The following MAP1A variants were observed in gnomAD, a reference collection of about 807,000 sequenced individuals.
MAP1A encodes the protein microtubule-associated protein 1A.
Under a neutral mutation model 185.9 loss-of-function variants are expected in MAP1A, and 42 were observed. The observed-to-expected ratio is 0.23, with a 90% confidence interval of 0.18 to 0.29. The LOEUF is 0.29. MAP1A is among the 10% of genes least tolerant of loss of function. MAP1A has a pLI of 1.00. For synonymous variants in MAP1A, 1,229 were observed against 1,335.9 expected (o/e 0.92, Z 1.74); for missense variants, 2,995 against 3,450.4 (o/e 0.87, Z 3.31).
At position 43,526,923 on chromosome 15, in the gene MAP1A, A is replaced by G; in HGVS notation, c.5450A>G (p.Glu1817Gly). 6.2e-7 allele frequency: 1 copy of G among 1,614,068 alleles called. No individual in the cohort carries two copies. The highest frequency in any genetic ancestry group is 8.5e-7 in the Non-Finnish European group (1 of 1,179,988). The stretch of plus-strand genomic sequence containing the variant: ...AGGGTTCCTTCAGCCCCAGGACAAG[A>G]GAGTCCTATCCCAGACCCTAAGCTC... Reference protein sequence around the residue: ...GQRVPSAPGQESPIPDPKLMP... With the variant: ...GQRVPSAPGQGSPIPDPKLMP... Residue 1817 changes from glutamate (E) to glycine (G), a missense_variant, in exon 4 of 6, where the codon GAG (glutamate) becomes GGG (glycine). This residue lies in a region of MAP1A where 2,728 missense variants were observed against 2,986.0 expected (regional missense o/e 0.91). Transcript: ENST00000300231. This position sits in a 1 kb window ranked among gnomAD's most constrained non-coding sequence, Gnocchi z 4.7.
chr15:43,531,008 T>G lies in MAP1A; in HGVS notation c.*784T>G, dbSNP rs75679502. On this transcript the variant is annotated 3_prime_UTR_variant, in exon 6 of 6. Coordinates refer to ENST00000300231, the MANE Select transcript of MAP1A (RefSeq NM_002373.6). ...TCTTTGAAGTTTTTACTCACCCCAT[T>G]TCAATTATCCTGATCCCTTCTCATC... The G allele has an allele frequency of 1.8e-4, 27 of 152,822 alleles. 1 individual carries two copies. Among genetic ancestry groups the G allele is most frequent in the African/African-American group, 6.5e-4 (27 of 41,566 alleles). The allele number at this position is 152,822 out of a possible 1,614,324, so 9.5% of individuals were successfully genotyped here.
chr15:43,512,076 A>G, intron 1 of MAP1A: 1 of 684,486 alleles, frequency 1.5e-6, no homozygotes, highest in Non-Finnish European at 2.7e-6. Context: ...CATGGCAACT[A>G]TCCATATACC....
rs374086456 is a variant in MAP1A, at chr15:43,526,752, A to C, written c.5279A>C (p.Glu1760Ala). 3 of 1,614,146 alleles carry C rather than the reference A, an allele frequency of 1.9e-6. No homozygotes were observed. The highest frequency in any genetic ancestry group is 2.5e-6 in the Non-Finnish European group (3 of 1,180,022). The change falls in exon 4 of 6, where the codon GAA becomes GCA. Residue 1760 changes from glutamate (E) to alanine (A), a missense_variant. By Grantham distance (107) the Glu-to-Ala change is moderately radical. This residue lies in a region of MAP1A where 2,728 missense variants were observed against 2,986.0 expected (regional missense o/e 0.91). Coordinates refer to ENST00000300231, the MANE Select transcript of MAP1A (RefSeq NM_002373.6). The surrounding 1 kb of genome is among the most constrained non-coding windows in gnomAD (Gnocchi z 4.7). Reference protein sequence around the residue: ...PWASDFKDFQESSPQKGLEVE... With the variant: ...PWASDFKDFQASSPQKGLEVE... ...GCCTCAGACTTCAAGGATTTCCAGG[A>C]ATCCTCACCACAGAAGGGGCTAGAG...
chr15:43,526,137 A>G lies in MAP1A; in HGVS notation c.4664A>G (p.Tyr1555Cys). 1.2e-6 allele frequency: 2 copies of G among 1,614,062 alleles called. No homozygotes were observed. The highest frequency in any genetic ancestry group is 1.7e-6 in the Non-Finnish European group (2 of 1,180,044). Reference sequence around the variant, plus strand: ...AAGGATCAGGCCTTAGAACAAAAATACTGGGCTTTGGGACAGAAGGATGAA... The same window carrying G: ...AAGGATCAGGCCTTAGAACAAAAATGCTGGGCTTTGGGACAGAAGGATGAA... ...EKKDQALEQK[Y>C]WALGQKDEAL... Residue 1555 changes from tyrosine (Y) to cysteine (C), a missense_variant, in exon 4 of 6, where the codon TAC becomes TGC. Around this residue, in one of 3 missense-constraint regions of MAP1A, gnomAD observed 2,728 missense variants for 2,986.0 expected, o/e 0.91. Coordinates refer to ENST00000300231, the MANE Select transcript of MAP1A (RefSeq NM_002373.6). This position sits in a 1 kb window ranked among gnomAD's most constrained non-coding sequence, Gnocchi z 4.7.
At position 43,526,912 on chromosome 15, in the gene MAP1A, C is replaced by T; in HGVS notation, c.5439C>T (p.Ala1813=). The change falls in exon 4 of 6, where the codon GCC becomes GCT. Residue 1813 remains alanine (A), a synonymous_variant. Transcript: ENST00000300231. This position sits in a 1 kb window ranked among gnomAD's most constrained non-coding sequence, Gnocchi z 4.7. ...PEMVGQRVPS[A]PGQESPIPDP... ...TGGTTGGACAAAGGGTTCCTTCAGC[C>T]CCAGGACAAGAGAGTCCTATCCCAG... 2 of 1,614,066 alleles carry T rather than the reference C, an allele frequency of 1.2e-6. No individual in the cohort carries two copies. Among genetic ancestry groups the T allele is most frequent in the Non-Finnish European group, 1.7e-6 (2 of 1,179,996 alleles).
rs767104808 is a variant in MAP1A at position 43,527,809 on chromosome 15, G to C, written c.6336G>C (p.Lys2112Asn). The C allele has an allele frequency of 1.2e-6, 2 of 1,613,820 alleles. No individual in the cohort carries two copies. Among genetic ancestry groups the C allele is most frequent in the South Asian group, 2.2e-5 (2 of 91,050 alleles). ...GCACTAGTGACTCAGAACTGGAGAA[G>C]GGGGCTCGGGAACAGCCAGAAAAAG... ...DDSTSDSELEKGAREQPEKEA... is the reference protein window; with the variant it reads ...DDSTSDSELENGAREQPEKEA... The change falls in exon 4 of 6, where the codon AAG (lysine) becomes AAC (asparagine). Residue 2112 changes from lysine (K) to asparagine (N), a missense_variant. Transcript: ENST00000300231.
At position 43,512,096 on chromosome 15, in the gene MAP1A, C is replaced by T. The variant is rs1441425689; in HGVS notation, c.239-94C>T. The T allele has an allele frequency of 4.1e-6, 3 of 739,638 alleles. No individual in the cohort carries two copies. The South Asian group carries it at 4.6e-5, about 11-fold the overall frequency. 45.8% of individuals were successfully genotyped at this position (739,638 alleles called of 1,614,324 possible). On this transcript the variant is annotated intron_variant, in intron 1 of 6. Coordinates refer to the MAP1A transcript ENST00000382031. ...CAACTATCCATATACCCTCCCTCTC[C>T]TTACCTGTTCTGTGAACTTGAAAGT...
Position 43,529,126 on chromosome 15 carries a change from T to C in MAP1A, c.7653T>C (p.Thr2551=), listed in dbSNP as rs773714540. 1 of 1,613,418 alleles carries C rather than the reference T, an allele frequency of 6.2e-7. No individual in the cohort carries two copies. Among genetic ancestry groups the C allele is most frequent in the South Asian group, 1.1e-5 (1 of 91,070 alleles). The part of the protein sequence containing the change: ...PVDKAGGVSG[T]HHPRPGHDPP... ...ACAAAGCTGGGGGTGTCAGTGGTAC[T>C]CACCACCCCAGGCCTGGCCATGACC... is the stretch of plus-strand genomic sequence containing the variant. The change falls in exon 4 of 6, where the codon ACT becomes ACC. Residue 2551 remains threonine (T), a synonymous_variant. Coordinates refer to ENST00000300231, the MANE Select transcript of MAP1A (RefSeq NM_002373.6). The surrounding 1 kb of genome is among the most constrained non-coding windows in gnomAD (Gnocchi z 4.3).
Position 43,527,968 on chromosome 15 carries a change from T to C in MAP1A, c.6495T>C (p.Ala2165=). ...GPARPSLDFP[A]SAFGFSSLQP... ...CCCGACCCAGTCTGGACTTCCCTGCTTCAGCCTTTGGCTTCTCCTCATTGC... is the reference window on the plus strand; with the variant it reads ...CCCGACCCAGTCTGGACTTCCCTGCCTCAGCCTTTGGCTTCTCCTCATTGC... Residue 2165 remains alanine (A), a synonymous_variant, in exon 4 of 6, where the codon GCT becomes GCC. Coordinates refer to ENST00000300231, the MANE Select transcript of MAP1A (RefSeq NM_002373.6). The C allele has an allele frequency of 6.2e-7, 1 of 1,614,096 alleles. No homozygotes were observed. The highest frequency in any genetic ancestry group is 8.5e-7 in the Non-Finnish European group (1 of 1,180,014).
chr15:43,526,589 G>A lies in MAP1A; in HGVS notation c.5116G>A (p.Val1706Ile). 1.2e-6 allele frequency: 2 copies of A among 1,614,180 alleles called. No individual in the cohort carries two copies. Among genetic ancestry groups the A allele is most frequent in the Non-Finnish European group, 1.7e-6 (2 of 1,180,028 alleles). Reference sequence around the variant, plus strand: ...GAGGGAGCTAAGCTGTGAGCGGAAGGTCTGGTTCCCTCACGAGCTGGATGG... The same window carrying A: ...GAGGGAGCTAAGCTGTGAGCGGAAGATCTGGTTCCCTCACGAGCTGGATGG... ...YWRELSCERK[V>I]WFPHELDGQG... Residue 1706 changes from valine to isoleucine, a missense_variant, in exon 4 of 6, where the codon GTC becomes ATC. Around this residue, in one of 3 missense-constraint regions of MAP1A, gnomAD observed 2,728 missense variants for 2,986.0 expected, o/e 0.91. Transcript: ENST00000300231. The surrounding 1 kb of genome is among the most constrained non-coding windows in gnomAD (Gnocchi z 4.7).
chr15:43,518,639 C>G (rs918105771), intron 1 of MAP1A, among the ~76,000 whole-genome samples: 2 of 151,972 alleles, frequency 1.3e-5, no homozygotes, highest in East Asian at 1.9e-4. Flanking sequence ...CCCAAACGGT[C>G]CCCCTCCCCT....
chr15:43,520,548 C>A, intron 1 of MAP1A, 93 bp from the exon 2 acceptor site: 1 of 854,118 alleles, frequency 1.2e-6, no homozygotes. Context: ...TCTCTTTCGT[C>A]TAAGCCCCAT....
rs776351771 is a variant in MAP1A, at chr15:43,527,033, C to A, written c.5560C>A (p.Pro1854Thr). The change falls in exon 4 of 6, where the codon CCT (proline) becomes ACT (threonine). Residue 1854 changes from proline (P) to threonine (T), a missense_variant. This residue lies in a region of MAP1A where 2,728 missense variants were observed against 2,986.0 expected (regional missense o/e 0.91). Transcript: ENST00000300231. ...GGTGCCCAAGGACAGACCCCTCCCC[C>A]CTGCACCCCTCTCCCCAGCTCCTGG... ...PWVPKDRPLP[P>T]APLSPAPGPP... 5.0e-6 allele frequency: 8 copies of A among 1,599,538 alleles called. No homozygotes were observed. The highest frequency in any genetic ancestry group is 2.7e-5 in the African/African-American group (2 of 74,782).
chr15:43,526,113 A>G lies in MAP1A; in HGVS notation c.4640A>G (p.Lys1547Arg), dbSNP rs763083011. Reference sequence around the variant, plus strand: ...CAAAAGGATAAAGTCTCAGAAAAGAAGGATCAGGCCTTAGAACAAAAATAC... The same window carrying G: ...CAAAAGGATAAAGTCTCAGAAAAGAGGGATCAGGCCTTAGAACAAAAATAC... ...QEQKDKVSEK[K>R]DQALEQKYWA... The change falls in exon 4 of 6, where the codon AAG becomes AGG. Residue 1547 changes from lysine to arginine, a missense_variant. Around this residue, in one of 3 missense-constraint regions of MAP1A, gnomAD observed 2,728 missense variants for 2,986.0 expected, o/e 0.91. Coordinates refer to ENST00000300231, the MANE Select transcript of MAP1A (RefSeq NM_002373.6). This position sits in a 1 kb window ranked among gnomAD's most constrained non-coding sequence, Gnocchi z 4.7. 6.2e-7 allele frequency: 1 copy of G among 1,614,138 alleles called. No individual in the cohort carries two copies. Among genetic ancestry groups the G allele is most frequent in the South Asian group, 1.1e-5 (1 of 91,074 alleles).
At position 43,521,765 on chromosome 15, in the gene MAP1A, A is replaced by G; in HGVS notation, c.292A>G (p.Ile98Val). The change falls in exon 4 of 6, where the codon ATC becomes GTC. Residue 98 changes from isoleucine to valine, a missense_variant. Around this residue, in one of 3 missense-constraint regions of MAP1A, gnomAD observed 264 missense variants for 435.3 expected, o/e 0.61. Transcript: ENST00000300231. This position sits in a 1 kb window ranked among gnomAD's most constrained non-coding sequence, Gnocchi z 4.6. Reference protein sequence around the residue: ...THIGADNLPGINGLLQRKVAE... With the variant: ...THIGADNLPGVNGLLQRKVAE... ...CATTGGGGCAGACAACCTGCCAGGC[A>G]TCAATGGACTACTGCAGCGCAAAGT... 6.2e-7 allele frequency: 1 copy of G among 1,614,250 alleles called. No homozygotes were observed. Among genetic ancestry groups the G allele is most frequent in the Non-Finnish European group, 8.5e-7 (1 of 1,180,042 alleles).
chr15:43,526,436 C>T lies in MAP1A; in HGVS notation c.4963C>T (p.Pro1655Ser), dbSNP rs761672421. 1.9e-6 allele frequency: 3 copies of T among 1,613,936 alleles called. No individual in the cohort carries two copies. The highest frequency in any genetic ancestry group is 2.2e-5 in the South Asian group (2 of 90,976). Residue 1655 changes from proline to serine, a missense_variant, in exon 4 of 6, where the codon CCT becomes TCT. Around this residue, in one of 3 missense-constraint regions of MAP1A, gnomAD observed 2,728 missense variants for 2,986.0 expected, o/e 0.91. Transcript: ENST00000300231. The surrounding 1 kb of genome is among the most constrained non-coding windows in gnomAD (Gnocchi z 4.7). ...GGTCCAGGAGTGGCAAGAAACATCT[C>T]CTACCAGAGAGGAGCCGGCTGGAGA... Reference protein sequence around the residue: ...DVVQEWQETSPTREEPAGEQK... With the variant: ...DVVQEWQETSSTREEPAGEQK...
chr15:43,519,728 T>A (rs1237226119), intron 1 of MAP1A, among the ~76,000 whole-genome samples: 1 of 152,252 alleles, frequency 6.6e-6, no homozygotes, highest in African/African-American at 2.4e-5. Flanking sequence ...GGGGATGCCT[T>A]ATCTTTCTCC....
rs749167649 is a variant in MAP1A at position 43,523,725 on chromosome 15, C to T, written c.2252C>T (p.Ser751Leu). ...PGYSETEQTI[S>L]DEEIHDEPEE... ...TACTCAGAGACTGAGCAGACCATCT[C>T]AGATGAGGAGATCCATGATGAGCCG... Residue 751 changes from serine (S) to leucine (L), a missense_variant, in exon 4 of 6, where the codon TCA (serine) becomes TTA (leucine). Transcript: ENST00000300231. The T allele has an allele frequency of 6.2e-7, 1 of 1,614,016 alleles. No homozygotes were observed. The highest frequency in any genetic ancestry group is 8.5e-7 in the Non-Finnish European group (1 of 1,179,952).
In MAP1A at chr15:43,529,739, C is replaced by G. The variant is rs768459570; in HGVS notation, c.8125C>G (p.Leu2709Val). 1.9e-6 allele frequency: 3 copies of G among 1,614,204 alleles called. No homozygotes were observed. The highest frequency in any genetic ancestry group is 1.7e-6 in the Non-Finnish European group (2 of 1,180,032). ...PNHCSGKTAD[L>V]DFFRRVRASY... is the part of the protein sequence containing the mutation. ...TCATTGCAGTGGCAAGACTGCTGAC[C>G]TTGACTTCTTCCGTCGAGTGCGTGC... Residue 2709 changes from leucine to valine, a missense_variant, in exon 5 of 6, where the codon CTT (leucine) becomes GTT (valine). Leu to Val is a conservative substitution (Grantham distance 32). Transcript: ENST00000300231. This position sits in a 1 kb window ranked among gnomAD's most constrained non-coding sequence, Gnocchi z 4.3.
Sources: allele counts gnomAD v4.1 joint callset (sites outside exome capture counted in the v4.1 genomes callset), GRCh38; gene constraint gnomAD v4.1.1; regional missense constraint gnomAD v4.1.1; non-coding constraint Gnocchi (gnomAD v3.1); transcripts MANE v1.5; gene names NCBI Gene and HGNC (gene_info 2026-07-23, HGNC 2026-07-21).